Variants in PHLPP1 observed in about 807,000 individuals in gnomAD.
PHLPP1 encodes the protein PH domain leucine-rich repeat-containing protein phosphatase 1.
Under a neutral mutation model 117.2 loss-of-function variants are expected in PHLPP1, and 42 were observed. That is an observed-to-expected ratio of 0.36 (90% CI 0.28 to 0.46). The LOEUF (loss-of-function observed/expected upper bound fraction) is 0.46, where lower values mean the gene tolerates loss of function less well. Among genes scored for constraint, PHLPP1 ranks in the 20% least tolerant of loss-of-function variants. The pLI, the probability that PHLPP1 is intolerant of heterozygous loss-of-function variation, is 1.00. For synonymous variants in PHLPP1, 1,042 were observed against 970.7 expected (o/e 1.07, Z -1.37); for missense variants, 2,084 against 2,241.9 (o/e 0.93, Z 1.42).
intron 1 of PHLPP1, among the ~76,000 whole-genome samples, chr18:62,808,558 T>TTTTTTTTTTTTTTG (rs1297725096): frequency 6.9e-6 from 1 of 144,544 alleles, no homozygotes; most frequent in Non-Finnish European, 1.5e-5. Context: ...TTTTTTTTTG[T>TTTTTTTTTTTTTTG]TTTTTTTTTT....
intron 4 of PHLPP1, among the ~76,000 whole-genome samples, chr18:62,872,616 C>T (rs899746516): frequency 1.4e-4 from 21 of 151,248 alleles, no homozygotes; most frequent in African/African-American, 2.4e-5. Context: ...CGCTTGAACC[C>T]GGGAGGTGGA....
At chr18:62,830,532 A>G (rs1914730012) in intron 2 of PHLPP1, among the ~76,000 whole-genome samples, 2 of 152,158 alleles carry the variant, frequency 1.3e-5, no homozygotes, top group Non-Finnish European at 1.5e-5. Flanking sequence ...CCAGGCCGAA[A>G]AGTAAGTTTA....
chr18:62,924,301 T>C (rs754790592), intron 10 of PHLPP1, among the ~76,000 whole-genome samples: 2 of 152,126 alleles, frequency 1.3e-5, no homozygotes, highest in South Asian at 4.1e-4. Flanking sequence ...TTTGTGATAA[T>C]AAATTATGGT....
chr18:62,927,486 G>T (rs2144434783), intron 10 of PHLPP1, among the ~76,000 whole-genome samples: 1 of 152,166 alleles, frequency 6.6e-6, no homozygotes, highest in South Asian at 2.1e-4. Flanking sequence ...ATAAAACAAA[G>T]AAATTAAGGA....
Position 62,961,682 on chromosome 18 carries a change from C to CT in PHLPP1, c.3456-1678dup, listed in dbSNP as rs1198603834. Among the ~76,000 whole-genome samples, 4 of 151,702 alleles carry CT rather than the reference C, an allele frequency of 2.6e-5. No individual in the cohort carries two copies. The East Asian group carries it at 5.8e-4, about 22-fold the overall frequency. ...GGAGAGCAAATAATGGAGGACTGTCCTTTTTTTTGTTAATGCCTCTTTTAT... is the reference window on the plus strand; with the variant it reads ...GGAGAGCAAATAATGGAGGACTGTCCTTTTTTTTTGTTAATGCCTCTTTTAT... On this transcript the variant is annotated intron_variant, in intron 13 of 16. Transcript: ENST00000262719.
At chr18:62,874,395 G>C (rs1296171711) in intron 4 of PHLPP1, among the ~76,000 whole-genome samples, 1 of 151,978 alleles carries the variant, frequency 6.6e-6, no homozygotes, top group Non-Finnish European at 1.5e-5. Context: ...TGTAATCCCA[G>C]GTATTTGGGA....
chr18:62,940,739 AT>A (rs1910110299), intron 10 of PHLPP1, among the ~76,000 whole-genome samples: 1 of 152,154 alleles, frequency 6.6e-6, no homozygotes, highest in Admixed American at 6.5e-5. Context: ...TTAATGTAAA[AT>A]TTATTTAAGT....
intron 14 of PHLPP1, among the ~76,000 whole-genome samples, chr18:62,969,155 C>T (rs912983148): frequency 6.6e-6 from 1 of 152,084 alleles, no homozygotes; most frequent in African/African-American, 2.4e-5. Context: ...AATCCTCCTG[C>T]CTTGGCCTCT....
intron 4 of PHLPP1, among the ~76,000 whole-genome samples, chr18:62,880,449 C>T (rs1340535613): frequency 6.6e-6 from 1 of 151,978 alleles, no homozygotes; most frequent in African/African-American, 2.4e-5. Context: ...ATCTTCTCTC[C>T]TTTGGTTTGA....
In PHLPP1 at chr18:62,972,591, G is replaced by T; in HGVS notation, c.3638G>T (p.Arg1213Leu). ...CTGTATGGTGTGTTTGACGGAGACC[G>T]GAATGTGGAGGTGCCCTACCTTCTC... ...EALYGVFDGD[R>L]NVEVPYLLQC... The change falls in exon 15 of 17, where the codon CGG becomes CTG. Residue 1213 changes from arginine (R) to leucine (L), a missense_variant. Physicochemically the swap from Arg to Leu is moderately radical, Grantham distance 102. This residue lies in a region of PHLPP1 where 1,365 missense variants were observed against 1,605.9 expected (regional missense o/e 0.85). Coordinates refer to ENST00000262719, the MANE Select transcript of PHLPP1 (RefSeq NM_194449.4). 1 of 1,613,906 alleles carries T rather than the reference G, an allele frequency of 6.2e-7. No homozygotes were observed. The highest frequency in any genetic ancestry group is 8.5e-7 in the Non-Finnish European group (1 of 1,179,858).
intron 4 of PHLPP1, among the ~76,000 whole-genome samples, chr18:62,879,048 A>T (rs1393636089): frequency 1.3e-5 from 2 of 152,146 alleles, no homozygotes; most frequent in African/African-American, 4.8e-5. Context: ...TCACAAAATG[A>T]TTCATGAAAT....
chr18:62,849,903 C>A (rs1210776702), intron 3 of PHLPP1, among the ~76,000 whole-genome samples: 2 of 137,356 alleles, frequency 1.5e-5, no homozygotes, highest in Middle Eastern at 4.2e-3. Flanking sequence ...TATTTTTAAC[C>A]CAGAGTATTA....
In PHLPP1 at chr18:62,716,694, C is replaced by T. The variant is rs76447412; in HGVS notation, c.1011C>T (p.Pro337=). The T allele has an allele frequency of 0.046, 68,051 of 1,474,726 alleles. 1,823 individuals carry two copies. Among genetic ancestry groups the T allele is most frequent in the Non-Finnish European group, 0.054 (60,180 of 1,115,054 alleles). The allele number at this position is 1,474,726 out of a possible 1,614,324, so 91.4% of individuals were successfully genotyped here. Residue 337 remains proline, a synonymous_variant, in exon 1 of 17, where the codon CCC becomes CCT. Coordinates refer to ENST00000262719, the MANE Select transcript of PHLPP1 (RefSeq NM_194449.4). This position sits in a 1 kb window ranked among gnomAD's most constrained non-coding sequence, Gnocchi z 5.7. ...TCGTTGGGGGCCCTGTCTCTTCGCC[C>T]CGCGCCCCACGGCCTGTGGTCTCCG... ...EPFVGGPVSS[P]RAPRPVVSDT... is the part of the protein sequence containing the mutation.
rs34065978 is a variant in PHLPP1 at position 62,918,429 on chromosome 18, A to AATATATATATATATATATATATAT, written c.2805-1512_2805-1511insATATATATATATATATATATATAT. 1.3e-3 allele frequency among the ~76,000 whole-genome samples: 182 copies of AATATATATATATATATATATATAT among 140,440 alleles called. 1 individual carries two copies. Among genetic ancestry groups the AATATATATATATATATATATATAT allele is most frequent in the African/African-American group, 4.5e-3 (166 of 36,970 alleles). The allele number at this position is 140,440 out of a possible 152,430, so 92.1% of individuals were successfully genotyped here. A position where few individuals can be genotyped will look rare whatever the true frequency, so the allele number is the denominator to read the frequency against. On this transcript the variant is annotated intron_variant, in intron 9 of 16. Transcript: ENST00000262719. ...TTAGTTATTTATGTGGTAAAGGATA[A>AATATATATATATATATATATATAT]ATATATATATATATATATGATGAAC...
chr18:62,957,605 T>G (rs183135146), intron 12 of PHLPP1, among the ~76,000 whole-genome samples: 1 of 151,526 alleles, frequency 6.6e-6, no homozygotes, highest in Non-Finnish European at 1.5e-5. Flanking sequence ...GTTTTTTGTT[T>G]GTTTGTTTGT....
chr18:62,947,916 T>C (rs1364957083), intron 12 of PHLPP1, among the ~76,000 whole-genome samples: 2 of 151,896 alleles, frequency 1.3e-5, no homozygotes, highest in Non-Finnish European at 2.9e-5. Context: ...ATCCCAGCTA[T>C]CCAGGAAGCT....
intron 3 of PHLPP1, among the ~76,000 whole-genome samples, chr18:62,849,486 C>A (rs960618507): frequency 1.3e-5 from 2 of 151,548 alleles, no homozygotes; most frequent in African/African-American, 2.4e-5. Flanking sequence ...CATGGTGAAA[C>A]CCCATCTCTA....
intron 8 of PHLPP1, among the ~76,000 whole-genome samples, chr18:62,912,364 TTTA>T (rs1916980900): frequency 6.6e-6 from 1 of 151,010 alleles, no homozygotes; most frequent in African/African-American, 2.4e-5. Flanking sequence ...AAAATTTTTT[TTTA>T]TTATAAATAT....
At chr18:62,925,155 G>A (rs1599124009) in intron 10 of PHLPP1, among the ~76,000 whole-genome samples, 1 of 152,210 alleles carries the variant, frequency 6.6e-6, no homozygotes, top group African/African-American at 2.4e-5. Flanking sequence ...ATGGGTCACC[G>A]GAGTGGATGA....
Sources: allele counts gnomAD v4.1 joint callset (sites outside exome capture counted in the v4.1 genomes callset), GRCh38; gene constraint gnomAD v4.1.1; regional missense constraint gnomAD v4.1.1; non-coding constraint Gnocchi (gnomAD v3.1); transcripts MANE v1.5; gene names NCBI Gene and HGNC (gene_info 2026-07-23, HGNC 2026-07-21).